NKAIN2: variants seen among roughly 807,000 people sequenced by gnomAD.
The protein encoded by NKAIN2 is sodium/potassium-transporting ATPase subunit beta-1-interacting protein 2.
Under a neutral mutation model 32.6 loss-of-function variants are expected in NKAIN2, and 14 were observed. The observed-to-expected ratio is 0.43, with a 90% CI of 0.28 to 0.67. The LOEUF (loss-of-function observed/expected upper bound fraction) is 0.67, where lower values mean the gene tolerates loss of function less well. Among genes scored for constraint, NKAIN2 ranks in the 30% least tolerant of loss-of-function variants. The pLI is 0.17. For missense variants in NKAIN2, 198 were observed against 258.3 expected, an observed-to-expected ratio of 0.77 and a Z score of 1.60; for synonymous variants, 80 against 87.2, an observed-to-expected ratio of 0.92 and a Z score of 0.46.
intron 1 of NKAIN2, among the ~76,000 whole-genome samples, chr6:124,264,549 G>T (rs1000667842): frequency 6.6e-6 from 1 of 152,078 alleles, no homozygotes; most frequent in African/African-American, 2.4e-5. Context: ...ATGGCCAATT[G>T]CTTCTGATGA....
chr6:124,110,705 G>T (rs1785344964), intron 1 of NKAIN2, among the ~76,000 whole-genome samples: 2 of 152,094 alleles, frequency 1.3e-5, no homozygotes, highest in South Asian at 4.1e-4. Flanking sequence ...CTGCATCCGT[G>T]TTGCTGCAAA....
intron 1 of NKAIN2, among the ~76,000 whole-genome samples, chr6:123,886,267 TA>T: frequency 6.6e-6 from 1 of 151,948 alleles, no homozygotes; most frequent in East Asian, 1.9e-4. Context: ...AACATATAAA[TA>T]AAAAAGAAGA....
At chr6:124,365,161 C>T (rs1481440280) in intron 3 of NKAIN2, among the ~76,000 whole-genome samples, 2 of 151,478 alleles carry the variant, frequency 1.3e-5, no homozygotes, top group Non-Finnish European at 3.0e-5. Context: ...AAAAAAATAT[C>T]AAGATGGGTG....
chr6:124,772,802 T>C (rs764874166), intron 4 of NKAIN2, among the ~76,000 whole-genome samples: 5 of 152,088 alleles, frequency 3.3e-5, no homozygotes, highest in Non-Finnish European at 5.9e-5. Flanking sequence ...ACTCAGACAC[T>C]GTGGAATCCA....
chr6:124,049,256 A>T (rs1447768663), intron 1 of NKAIN2, among the ~76,000 whole-genome samples: 1 of 152,096 alleles, frequency 6.6e-6, no homozygotes, highest in African/African-American at 2.4e-5. Flanking sequence ...AAGTGATAAA[A>T]ATAAATACTA....
Position 124,381,517 on chromosome 6 carries a change from T to C in NKAIN2, c.273+26170T>C, listed in dbSNP as rs560939290. ...CATTGAGTTTAGGCACTTTGTATTTTGAGGCCTGCGTGTTACAGCCCTTAA... is the reference window on the plus strand; with the variant it reads ...CATTGAGTTTAGGCACTTTGTATTTCGAGGCCTGCGTGTTACAGCCCTTAA... On this transcript the variant is annotated intron_variant, in intron 3 of 6. Coordinates refer to ENST00000368417, the MANE Select transcript of NKAIN2 (RefSeq NM_001040214.3). Among the ~76,000 whole-genome samples the C allele has an allele frequency of 1.3e-4, 20 of 152,258 alleles. No individual in the cohort carries two copies. In the South Asian group the frequency reaches 4.1e-3, roughly 32 times the overall value.
chr6:124,145,880 G>A (rs900181119), intron 1 of NKAIN2, among the ~76,000 whole-genome samples: 4 of 152,116 alleles, frequency 2.6e-5, no homozygotes, highest in African/African-American at 9.7e-5. Flanking sequence ...CAGGAAAAAG[G>A]CAGATATGGT....
chr6:124,534,100 C>T (rs1414866473), intron 3 of NKAIN2, among the ~76,000 whole-genome samples: 3 of 152,114 alleles, frequency 2.0e-5, no homozygotes, highest in African/African-American at 7.2e-5. Context: ...AAATGTATGA[C>T]TGCTAGTGCC....
intron 3 of NKAIN2, among the ~76,000 whole-genome samples, chr6:124,492,495 T>G (rs1256742200): frequency 6.6e-6 from 1 of 151,916 alleles, no homozygotes; most frequent in Admixed American, 6.6e-5. Flanking sequence ...ATAAAATAGT[T>G]GTTACAGTGA....
chr6:124,386,786 A>G (rs1772918762), intron 3 of NKAIN2, among the ~76,000 whole-genome samples: 1 of 152,126 alleles, frequency 6.6e-6, no homozygotes, highest in Non-Finnish European at 1.5e-5. Flanking sequence ...TGCAGGCTTC[A>G]TCTTCAATAT....
intron 3 of NKAIN2, among the ~76,000 whole-genome samples, chr6:124,430,618 C>T (rs924407123): frequency 1.3e-5 from 2 of 151,832 alleles, no homozygotes; most frequent in African/African-American, 4.8e-5. Context: ...AACATGGTAG[C>T]TTCAGATAGT....
At chr6:124,770,164 A>T (rs557947762) in intron 4 of NKAIN2, among the ~76,000 whole-genome samples, 38 of 152,326 alleles carry the variant, frequency 2.5e-4, no homozygotes, top group Middle Eastern at 3.4e-3. Context: ...ACATTACTTT[A>T]AAAACATGAA....
intron 5 of NKAIN2, among the ~76,000 whole-genome samples, chr6:124,796,470 G>A (rs1296914762): frequency 6.6e-6 from 1 of 152,058 alleles, no homozygotes; most frequent in Non-Finnish European, 1.5e-5. Flanking sequence ...CACACTCCAC[G>A]TGTGTCCTGG....
At chr6:123,846,113 A>G (rs1015925448) in intron 1 of NKAIN2, among the ~76,000 whole-genome samples, 1 of 152,044 alleles carries the variant, frequency 6.6e-6, no homozygotes, top group Non-Finnish European at 1.5e-5. Context: ...CAGGAGCTAT[A>G]TTTTTGCCCT....
intron 3 of NKAIN2, among the ~76,000 whole-genome samples, chr6:124,598,325 A>G (rs916296302): frequency 8.5e-5 from 13 of 152,198 alleles, no homozygotes; most frequent in Non-Finnish European, 5.9e-5. Flanking sequence ...ATCATGATCC[A>G]TAAAAGTGTC....
intron 1 of NKAIN2, among the ~76,000 whole-genome samples, chr6:124,141,727 A>G (rs963790833): frequency 3.9e-5 from 6 of 151,982 alleles, no homozygotes; most frequent in African/African-American, 1.2e-4. Context: ...GACTCATCCT[A>G]TCAGATCAAT....
At chr6:124,066,037 G>A (rs1582569479) in intron 1 of NKAIN2, among the ~76,000 whole-genome samples, 1 of 152,090 alleles carries the variant, frequency 6.6e-6, no homozygotes, top group East Asian at 1.9e-4. Flanking sequence ...TCAAGCTAGA[G>A]ATGGCTTAAT....
At chr6:124,121,745 C>T (rs1055498069) in intron 1 of NKAIN2, 2 of 201,842 alleles carry the variant, frequency 9.9e-6, no homozygotes, top group African/African-American at 4.6e-5. Context: ...AATATTTTAG[C>T]ATGCTGTGAA....
rs1044870468 is a variant in NKAIN2 at position 124,008,111 on chromosome 6, T to G, written c.54+203857T>G. 5.3e-5 allele frequency among the ~76,000 whole-genome samples: 8 copies of G among 151,996 alleles called. 1 individual carries two copies. Among genetic ancestry groups the G allele is most frequent in the African/African-American group, 1.9e-4 (8 of 41,374 alleles). ...GAGGAGGAGTCAGGCCAGGGCAGAGTACATGGCCAGGGTAAAGAATACTAG... is the reference window on the plus strand; with the variant it reads ...GAGGAGGAGTCAGGCCAGGGCAGAGGACATGGCCAGGGTAAAGAATACTAG... On this transcript the variant is annotated intron_variant, in intron 1 of 6. Transcript: ENST00000368417.
Sources: gnomAD v4.1 joint callset for allele counts (sites outside exome capture counted in the v4.1 genomes callset) on GRCh38, gnomAD v4.1.1 for gene constraint, MANE v1.5 for transcripts, NCBI Gene and HGNC (gene_info 2026-07-23, HGNC 2026-07-21) for gene names.